The following CTSO variants were observed in gnomAD, a reference collection of about 807,000 sequenced individuals.
CTSO encodes the protein cathepsin O.
CTSO carries 40 observed loss-of-function variants against 42.4 expected under a neutral mutation model. The observed-to-expected ratio is 0.94, with a 90% CI of 0.73 to 1.23. The LOEUF is 1.23. Ranked by LOEUF, CTSO falls within the 50% of genes most tolerant of loss-of-function variation. The pLI is 0.00. For missense variants in CTSO, 441 were observed against 396.0 expected, an observed-to-expected ratio of 1.11 and a Z score of -0.96; for synonymous variants, 156 against 146.2, an observed-to-expected ratio of 1.07 and a Z score of -0.48.
chr4:155,948,841 A>G (rs1368496163), intron 1 of CTSO, among the ~76,000 whole-genome samples: 1 of 152,214 alleles, frequency 6.6e-6, no homozygotes, highest in Non-Finnish European at 1.5e-5. Flanking sequence ...CAAAACAATC[A>G]AAGAGTAGAA....
chr4:155,929,466 G>A (rs1254723759), intron 6 of CTSO, 76 bp downstream of exon 6: 16 of 1,442,192 alleles, frequency 1.1e-5, no homozygotes, highest in Non-Finnish European at 1.2e-5. Flanking sequence ...AAATTTCAAT[G>A]TTCTACAGTA....
chr4:155,938,211 G>A (rs1743366248), intron 4 of CTSO, among the ~76,000 whole-genome samples: 1 of 152,090 alleles, frequency 6.6e-6, no homozygotes. Flanking sequence ...TCACTTTTAT[G>A]CCATTCATAT....
At chr4:155,951,846 A>T (rs80009265) in intron 1 of CTSO, among the ~76,000 whole-genome samples, 16,997 of 152,028 alleles carry the variant, frequency 0.11, 1,019 homozygotes, top group South Asian at 0.17. Context: ...AATCTAACTA[A>T]TTCCTGATGA....
In CTSO at chr4:155,953,857, C is replaced by T. The variant is rs888683594; in HGVS notation, c.-10G>A. ...GCGCCCGCACGTCCATTGCGGCGCC[C>T]GGCTCCTCTGCCGCCCGCGCGGCCT... On this transcript the variant is annotated 5_prime_UTR_variant, in exon 1 of 8. Coordinates refer to ENST00000433477, the MANE Select transcript of CTSO (RefSeq NM_001334.3). The T allele has an allele frequency of 5.5e-6, 7 of 1,270,794 alleles. No individual in the cohort carries two copies. Among genetic ancestry groups the T allele is most frequent in the African/African-American group, 1.5e-5 (1 of 64,530 alleles). 78.7% of individuals were successfully genotyped at this position (1,270,794 alleles called of 1,614,324 possible). A position where few individuals can be genotyped will look rare whatever the true frequency, so the allele number is the denominator to read the frequency against.
At chr4:155,941,928 A>G (rs574091866) in intron 3 of CTSO, among the ~76,000 whole-genome samples, 5 of 152,024 alleles carry the variant, frequency 3.3e-5, no homozygotes, top group African/African-American at 1.2e-4. Flanking sequence ...TTTTTCTTGA[A>G]CCATTTAAGC....
intron 4 of CTSO, among the ~76,000 whole-genome samples, chr4:155,938,798 AC>A (rs1422753631): frequency 1.3e-5 from 2 of 152,048 alleles, no homozygotes; most frequent in Non-Finnish European, 2.9e-5. Flanking sequence ...AACAAAAAAA[AC>A]AAAAAAATTA....
intron 1 of CTSO, among the ~76,000 whole-genome samples, chr4:155,951,963 T>C (rs1463584265): frequency 1.3e-5 from 2 of 152,184 alleles, no homozygotes; most frequent in African/African-American, 2.4e-5. Context: ...TGCCAAAAGA[T>C]TGGGGACCAC....
At chr4:155,929,491 C>T (rs1428640498) in intron 6 of CTSO, 51 bp downstream of exon 6, 4 of 1,551,654 alleles carry the variant, frequency 2.6e-6, no homozygotes, top group Middle Eastern at 1.7e-4. Context: ...GATCATTTTG[C>T]ACTCAGTGTC....
At chr4:155,930,145 A>G (rs1743209732) in intron 5 of CTSO, among the ~76,000 whole-genome samples, 1 of 152,210 alleles carries the variant, frequency 6.6e-6, no homozygotes, top group African/African-American at 2.4e-5. Flanking sequence ...GAAGATGGGG[A>G]ATGAGTTCTG....
chr4:155,947,601 A>G (rs902863670), intron 1 of CTSO, among the ~76,000 whole-genome samples: 23 of 152,236 alleles, frequency 1.5e-4, no homozygotes, highest in African/African-American at 5.5e-4. Context: ...AAGTTCACTA[A>G]CATGGGTTTC....
chr4:155,928,848 T>C (rs1480821998), intron 6 of CTSO, among the ~76,000 whole-genome samples: 1 of 152,192 alleles, frequency 6.6e-6, no homozygotes, highest in African/African-American at 2.4e-5. Context: ...CACTCAAAAA[T>C]TGACAGGTGG....
intron 4 of CTSO, 48 bp from the exon 5 acceptor site, chr4:155,937,531 A>C (rs1374118184): frequency 1.3e-6 from 2 of 1,569,620 alleles, no homozygotes; most frequent in Admixed American, 3.4e-5. Context: ...TTGTTTTATA[A>C]ATCAAATAGA....
chr4:155,944,977 C>T (rs1743514726), intron 1 of CTSO, among the ~76,000 whole-genome samples: 2 of 148,954 alleles, frequency 1.3e-5, no homozygotes, highest in South Asian at 4.2e-4. Context: ...AAAAAAAAGC[C>T]TGGGAGCAGT....
Position 155,929,649 on chromosome 4 carries a change from A to G in CTSO, c.731T>C (p.Ile244Thr), listed in dbSNP as rs925519057. Residue 244 changes from isoleucine (I) to threonine (T), a missense_variant, in exon 6 of 8, where the codon ATA becomes ACA. By Grantham distance (89) the Ile-to-Thr change is moderately conservative. Coordinates refer to ENST00000433477, the MANE Select transcript of CTSO (RefSeq NM_001334.3). ...ALLTFGPLVV[I>T]VDAVSWQDYL... ...ATCTTGCCAGCTCACTGCATCTACT[A>G]TGACTACCAAAGGGCCAAAGGTAAG... The G allele has an allele frequency of 8.7e-6, 14 of 1,614,002 alleles. No homozygotes were observed. Among genetic ancestry groups the G allele is most frequent in the Non-Finnish European group, 1.1e-5 (13 of 1,179,990 alleles).
At chr4:155,944,733 T>C (rs1743509368) in intron 1 of CTSO, among the ~76,000 whole-genome samples, 2 of 152,148 alleles carry the variant, frequency 1.3e-5, no homozygotes, top group Non-Finnish European at 1.5e-5. Context: ...TAAGGCTTGC[T>C]ATTTGGGAGA....
In CTSO at chr4:155,937,413, G is replaced by A. The variant is rs200764150; in HGVS notation, c.623C>T (p.Ser208Phe). Residue 208 changes from serine to phenylalanine, a missense_variant, in exon 5 of 8, where the codon TCT (serine) becomes TTT (phenylalanine). By Grantham distance (155) the Ser-to-Phe change is radical (BLOSUM62 -2). Coordinates refer to ENST00000433477, the MANE Select transcript of CTSO (RefSeq NM_001334.3). ...KAQNGLCHYF[S>F]GSHSGFSIKG... ...GATTGAAAATCCAGAATGTGAACCA[G>A]AAAAGTAATGGCACAGACCATTTTG... 481 of 1,612,434 alleles carry A rather than the reference G, an allele frequency of 3.0e-4. 1 individual carries two copies. The highest frequency in any genetic ancestry group is 3.9e-4 in the Non-Finnish European group (457 of 1,178,688).
intron 6 of CTSO, 141 bp from the exon 7 acceptor site, chr4:155,928,569 A>C: frequency 1.7e-6 from 1 of 599,968 alleles, no homozygotes; most frequent in South Asian, 2.5e-5. Flanking sequence ...ATGGTAACTT[A>C]AACTACTTTA....
chr4:155,951,558 A>G (rs1428891221), intron 1 of CTSO, among the ~76,000 whole-genome samples: 6 of 152,226 alleles, frequency 3.9e-5, no homozygotes, highest in Non-Finnish European at 5.9e-5. Flanking sequence ...TTTAACGTGC[A>G]TTCCTGGGAA....
At chr4:155,951,353 A>T (rs951330458) in intron 1 of CTSO, among the ~76,000 whole-genome samples, 3 of 152,186 alleles carry the variant, frequency 2.0e-5, no homozygotes, top group Non-Finnish European at 4.4e-5. Context: ...CACAAAGGAG[A>T]GTAGGCTAAA....
Sources: allele counts gnomAD v4.1 joint callset (sites outside exome capture counted in the v4.1 genomes callset), GRCh38; gene constraint gnomAD v4.1.1; transcripts MANE v1.5; gene names NCBI Gene and HGNC (gene_info 2026-07-23, HGNC 2026-07-21).